Variants in DPYD observed in about 807,000 individuals in gnomAD.
The protein encoded by DPYD is dihydropyrimidine dehydrogenase [NADP(+)].
A neutral mutation model predicts 116.2 loss-of-function variants in DPYD; 109 were observed. The ratio of observed to expected loss-of-function variants is 0.94; its 90% CI spans 0.80 to 1.10. The LOEUF (loss-of-function observed/expected upper bound fraction) is 1.10, where lower values mean the gene tolerates loss of function less well. DPYD is among the 50% of genes least tolerant of loss of function. The probability of loss-of-function intolerance (pLI) is 0.00; values close to 1 mark genes in which losing one functional copy is unlikely to be tolerated. For missense variants in DPYD, 1,302 were observed against 1,254.5 expected (o/e 1.04, Z -0.57); for synonymous variants, 440 against 432.0 (o/e 1.02, Z -0.23).
intron 20 of DPYD, among the ~76,000 whole-genome samples, chr1:97,163,178 A>G (rs180821009): frequency 3.7e-4 from 56 of 152,280 alleles, no homozygotes; most frequent in African/African-American, 1.3e-3. Flanking sequence ...AGAAACTACC[A>G]TCAGAGTAAA....
intron 8 of DPYD, among the ~76,000 whole-genome samples, chr1:97,617,832 C>A (rs908072082): frequency 2.6e-4 from 39 of 152,142 alleles, no homozygotes; most frequent in Non-Finnish European, 4.6e-4. Flanking sequence ...CCAGGTGATT[C>A]CTACACGCAT....
intron 15 of DPYD, among the ~76,000 whole-genome samples, chr1:97,374,425 TAA>T (rs1369534979): frequency 2.0e-5 from 3 of 152,040 alleles, no homozygotes; most frequent in African/African-American, 7.2e-5. Flanking sequence ...AAAACACTTT[TAA>T]AAGTTATTAT....
chr1:97,173,470 CATA>C (rs5776351), intron 20 of DPYD, among the ~76,000 whole-genome samples: 45,781 of 149,066 alleles, frequency 0.31, 8,047 homozygotes, highest in East Asian at 0.65. Flanking sequence ...TATATACACA[CATA>C]ATGTGTATAT....
rs1376315731 is a variant in DPYD, at chr1:97,720,687, G to A, written c.483+823C>T. 4.3e-6 allele frequency: 6 copies of A among 1,386,376 alleles called. No homozygotes were observed. In the East Asian group the frequency reaches 1.7e-4, roughly 39 times the overall value. 85.9% of individuals were successfully genotyped at this position (1,386,376 alleles called of 1,614,324 possible). ...CATTGTGTTTATGCTGACAAAACCA[G>A]ATCAGTAAGTCATTAACTAAAAATC... On this transcript the variant is annotated intron_variant, in intron 5 of 22. Transcript: ENST00000370192.
rs372096656 is a variant in DPYD at position 97,430,216 on chromosome 1, G to A, written c.1905+19843C>T. On this transcript the variant is annotated intron_variant, in intron 14 of 22. Coordinates refer to ENST00000370192, the MANE Select transcript of DPYD (RefSeq NM_000110.4). ...AAATCTGAACATAAATCAGAAAATC[G>A]CAGGAGATGTGTAGTAGTTCCTTAG... 5.3e-5 allele frequency among the ~76,000 whole-genome samples: 8 copies of A among 152,148 alleles called. No individual in the cohort carries two copies. In the East Asian group the frequency reaches 1.2e-3, roughly 22 times the overall value.
intron 20 of DPYD, among the ~76,000 whole-genome samples, chr1:97,119,492 T>A (rs937857227): frequency 6.6e-6 from 1 of 152,086 alleles, no homozygotes; most frequent in African/African-American, 2.4e-5. Flanking sequence ...AGAGGGAGTG[T>A]CAGGCTACCA....
chr1:97,689,193 GAACT>G (rs371645694), intron 7 of DPYD, among the ~76,000 whole-genome samples: 165 of 150,512 alleles, frequency 1.1e-3, no homozygotes, highest in African/African-American at 3.8e-3. Flanking sequence ...ATTAATCTTA[GAACT>G]AACAAGGACT....
Position 97,218,982 on chromosome 1 carries a change from T to C in DPYD, c.2442+15870A>G, listed in dbSNP as rs1478473905. On this transcript the variant is annotated intron_variant, in intron 19 of 22. Transcript: ENST00000370192. ...GCCTAAAAAATTAAAGGTACCAGTC[T>C]GAAAAAAGCCCAGAAAAATCTAAAT... Among the ~76,000 whole-genome samples, 3 of 152,266 alleles carry C rather than the reference T, an allele frequency of 2.0e-5. No individual in the cohort carries two copies. The East Asian group carries it at 5.8e-4, about 29-fold the overall frequency.
chr1:97,085,624 G>A (rs1021970577), intron 21 of DPYD, among the ~76,000 whole-genome samples: 2 of 152,124 alleles, frequency 1.3e-5, no homozygotes, highest in African/African-American at 4.8e-5. Flanking sequence ...GTGGACATTT[G>A]TTTTAATCCC....
chr1:97,547,100 A>G, intron 12 of DPYD: 2 of 827,444 alleles, frequency 2.4e-6, no homozygotes, highest in Non-Finnish European at 4.2e-6. Flanking sequence ...ATGGGTGCAT[A>G]ATATAACTAG....
chr1:97,642,664 A>T (rs1657998903), intron 8 of DPYD, among the ~76,000 whole-genome samples: 1 of 141,206 alleles, frequency 7.1e-6, no homozygotes. Context: ...TCTCACTCAT[A>T]GGTGGGAATT....
rs534455612 is a variant in DPYD at position 97,552,553 on chromosome 1, T to C, written c.1340-2809A>G. Among the ~76,000 whole-genome samples the C allele has an allele frequency of 4.6e-5, 7 of 152,226 alleles. No individual in the cohort carries two copies. In the South Asian group the frequency reaches 1.2e-3, roughly 27 times the overall value. On this transcript the variant is annotated intron_variant, in intron 11 of 22. Transcript: ENST00000370192. ...CATGGGCATTTCTATTGTATATGCA[T>C]TGTGTTATTATGTATCCTTAAACAT...
chr1:97,370,059 T>C (rs1215286538), intron 16 of DPYD, among the ~76,000 whole-genome samples: 1 of 152,282 alleles, frequency 6.6e-6, no homozygotes, highest in South Asian at 2.1e-4. Context: ...GTCTTCGCTA[T>C]GTAAATAGTG....
chr1:97,831,425 G>A (rs1669531798), intron 2 of DPYD, among the ~76,000 whole-genome samples: 1 of 152,108 alleles, frequency 6.6e-6, no homozygotes, highest in Admixed American at 6.5e-5. Context: ...TCTGTTCTCA[G>A]CCCACTTTAT....
chr1:97,564,403 G>A (rs1242636976), intron 11 of DPYD, among the ~76,000 whole-genome samples: 1 of 152,112 alleles, frequency 6.6e-6, no homozygotes, highest in East Asian at 1.9e-4. Context: ...ACACTCTTAA[G>A]AAGCTGTTAT....
At chr1:97,880,727 AT>A (rs1376303093) in intron 2 of DPYD, among the ~76,000 whole-genome samples, 1 of 151,950 alleles carries the variant, frequency 6.6e-6, no homozygotes, top group African/African-American at 2.4e-5. Context: ...TTAATATTTC[AT>A]TTTTTTGTTC....
In DPYD at chr1:97,122,886, T is replaced by TA. The variant is rs1209297805; in HGVS notation, c.2623-24255_2623-24254insT. On this transcript the variant is annotated intron_variant, in intron 20 of 22. Transcript: ENST00000370192. ...AGAATGTGACTACTGGAGAGACTAG[T>TA]GGATGATCATTTCTTGACTCTTTTA... 3.3e-5 allele frequency among the ~76,000 whole-genome samples: 5 copies of TA among 152,114 alleles called. No individual in the cohort carries two copies. In the South Asian group the frequency reaches 8.3e-4, roughly 25 times the overall value.
intron 1 of DPYD, among the ~76,000 whole-genome samples, chr1:97,896,295 G>A (rs984954924): frequency 2.0e-5 from 3 of 151,694 alleles, no homozygotes; most frequent in Admixed American, 1.3e-4. Flanking sequence ...AGCTGGAAAA[G>A]GGCATGAACA....
intron 8 of DPYD, among the ~76,000 whole-genome samples, chr1:97,666,063 T>A (rs1267609615): frequency 6.6e-6 from 1 of 152,238 alleles, no homozygotes; most frequent in Non-Finnish European, 1.5e-5. Context: ...CAAAAATTGA[T>A]GTGAAAAATA....
Sources: gnomAD v4.1 joint callset for allele counts (sites outside exome capture counted in the v4.1 genomes callset) on GRCh38, gnomAD v4.1.1 for gene constraint, MANE v1.5 for transcripts, NCBI Gene and HGNC (gene_info 2026-07-23, HGNC 2026-07-21) for gene names.